Variants in GRID2 observed in about 807,000 individuals in gnomAD.
GRID2 encodes the protein glutamate ionotropic receptor delta type subunit 2.
GRID2 carries 33 observed loss-of-function variants against 114.8 expected under a neutral mutation model. The ratio of observed to expected loss-of-function variants is 0.29; its 90% confidence interval spans 0.22 to 0.38. The LOEUF is 0.38. Among genes scored for constraint, GRID2 ranks in the 10% least tolerant of loss-of-function variants. The pLI is 1.00. For synonymous variants in GRID2, 505 were observed against 449.9 expected (o/e 1.12, Z -1.55); for missense variants, 1,184 against 1,257.7 (o/e 0.94, Z 0.89).
intron 11 of GRID2, among the ~76,000 whole-genome samples, chr4:93,466,824 A>G (rs1008190090): frequency 6.6e-6 from 1 of 152,222 alleles, no homozygotes; most frequent in African/African-American, 2.4e-5. Context: ...ACTATTTGAT[A>G]GTTTAATATG....
intron 13 of GRID2, among the ~76,000 whole-genome samples, chr4:93,590,480 A>C (rs1463784894): frequency 6.7e-6 from 1 of 150,290 alleles, no homozygotes; most frequent in Admixed American, 6.6e-5. Context: ...GTTTGAAGTC[A>C]GGTAGTGTGA....
intron 2 of GRID2, among the ~76,000 whole-genome samples, chr4:93,014,960 A>G (rs1455888273): frequency 2.6e-5 from 4 of 152,148 alleles, no homozygotes; most frequent in African/African-American, 9.6e-5. Flanking sequence ...AAATAAAAAG[A>G]TGGTGAGTGA....
intron 13 of GRID2, among the ~76,000 whole-genome samples, chr4:93,600,841 T>C (rs1165403264): frequency 6.6e-6 from 1 of 152,184 alleles, no homozygotes; most frequent in African/African-American, 2.4e-5. Flanking sequence ...CAAGAAATAA[T>C]AATGAGCTAC....
intron 4 of GRID2, among the ~76,000 whole-genome samples, chr4:93,166,393 C>G (rs1211403823): frequency 1.3e-5 from 2 of 152,146 alleles, no homozygotes; most frequent in Admixed American, 1.3e-4. Flanking sequence ...GAAAAGAAGT[C>G]AGGTGACCTG....
At chr4:93,454,991 A>G (rs1723052651) in intron 10 of GRID2, among the ~76,000 whole-genome samples, 1 of 152,140 alleles carries the variant, frequency 6.6e-6, no homozygotes, top group South Asian at 2.1e-4. Context: ...TAAGAGTGCT[A>G]TCACTGAGAA....
chr4:92,739,858 TTAA>T (rs1736785032), intron 2 of GRID2, among the ~76,000 whole-genome samples: 1 of 152,094 alleles, frequency 6.6e-6, no homozygotes, highest in Non-Finnish European at 1.5e-5. Flanking sequence ...TATTTCAAAC[TTAA>T]TAAGTATGCT....
intron 2 of GRID2, among the ~76,000 whole-genome samples, chr4:92,634,808 G>C (rs1438467618): frequency 7.1e-6 from 1 of 141,200 alleles, no homozygotes; most frequent in African/African-American, 2.7e-5. Flanking sequence ...TTGTATTTCA[G>C]TGTAATATCT....
intron 12 of GRID2, among the ~76,000 whole-genome samples, chr4:93,502,137 CTG>C (rs1279874951): frequency 2.6e-5 from 4 of 152,078 alleles, no homozygotes; most frequent in Non-Finnish European, 5.9e-5. Flanking sequence ...ATCAGCAAGA[CTG>C]GAGTTGGCAG....
At chr4:92,855,606 C>G (rs762357833) in intron 2 of GRID2, among the ~76,000 whole-genome samples, 4 of 151,836 alleles carry the variant, frequency 2.6e-5, no homozygotes, top group Middle Eastern at 3.2e-3. Context: ...AATATACATA[C>G]TATACACTAG....
chr4:93,461,814 C>T (rs1245258697), intron 11 of GRID2, among the ~76,000 whole-genome samples: 2 of 152,128 alleles, frequency 1.3e-5, no homozygotes, highest in African/African-American at 4.8e-5. Context: ...CCTCCGTTAT[C>T]TCCATGTCTA....
intron 2 of GRID2, among the ~76,000 whole-genome samples, chr4:92,675,278 A>G (rs759668651): frequency 6.6e-6 from 1 of 152,178 alleles, no homozygotes; most frequent in African/African-American, 2.4e-5. Flanking sequence ...GGCTTTTGGA[A>G]TAGCTGTTTG....
At chr4:93,634,787 A>C (rs2149703810) in intron 14 of GRID2, among the ~76,000 whole-genome samples, 1 of 152,290 alleles carries the variant, frequency 6.6e-6, no homozygotes, top group Admixed American at 6.5e-5. Context: ...AAAAGGGATT[A>C]GAAAAAAAGA....
chr4:92,324,600 C>CAG, intron 1 of GRID2, among the ~76,000 whole-genome samples: 1 of 131,026 alleles, frequency 7.6e-6, no homozygotes, highest in East Asian at 2.0e-4. Flanking sequence ...CATACAGACA[C>CAG]ACACACACAC....
In GRID2 at chr4:92,548,160, G is replaced by A. The variant is rs530514963; in HGVS notation, c.89-41971G>A. On this transcript the variant is annotated intron_variant, in intron 1 of 15. Transcript: ENST00000282020. ...TATAGAAGTAGAAAAATATGGAAAT[G>A]ACAAAATCAAGACTTCTCAATTAAA... 1.5e-3 allele frequency among the ~76,000 whole-genome samples: 232 copies of A among 152,086 alleles called. 4 individuals carry two copies. Among genetic ancestry groups the A allele is most frequent in the Non-Finnish European group, 9.4e-4 (64 of 67,984 alleles).
intron 1 of GRID2, among the ~76,000 whole-genome samples, chr4:92,331,418 A>G (rs2110144360): frequency 6.6e-6 from 1 of 152,308 alleles, no homozygotes; most frequent in East Asian, 1.9e-4. Context: ...GTGTTACCCC[A>G]GAAGGAAAAG....
At chr4:92,538,268 A>C (rs531982149) in intron 1 of GRID2, among the ~76,000 whole-genome samples, 4 of 152,182 alleles carry the variant, frequency 2.6e-5, no homozygotes, top group Non-Finnish European at 5.9e-5. Context: ...AATTGTTCTC[A>C]TTCTTCTAAA....
intron 13 of GRID2, among the ~76,000 whole-genome samples, chr4:93,573,567 A>AT (rs1285739556): frequency 2.6e-5 from 4 of 152,200 alleles, no homozygotes; most frequent in Admixed American, 2.0e-4. Flanking sequence ...CATCTATGGG[A>AT]TTTTTTCTGC....
At chr4:92,554,134 AG>A (rs1189219792) in intron 1 of GRID2, among the ~76,000 whole-genome samples, 5 of 152,206 alleles carry the variant, frequency 3.3e-5, no homozygotes, top group African/African-American at 4.8e-5. Context: ...ATAATACAGA[AG>A]GGCTGTTGTT....
intron 2 of GRID2, among the ~76,000 whole-genome samples, chr4:92,905,001 C>T (rs1357264183): frequency 6.6e-6 from 1 of 151,936 alleles, no homozygotes; most frequent in Non-Finnish European, 1.5e-5. Context: ...TTTGCTACAT[C>T]AATATAAGCA....
Sources: gnomAD v4.1 joint callset for allele counts (sites outside exome capture counted in the v4.1 genomes callset) on GRCh38, gnomAD v4.1.1 for gene constraint, MANE v1.5 for transcripts, NCBI Gene and HGNC (gene_info 2026-07-23, HGNC 2026-07-21) for gene names.